TRMT10A: variants seen among roughly 807,000 people sequenced by gnomAD.
TRMT10A encodes tRNA methyltransferase 10A, also known as tRNA methyltransferase 10 homolog A.
In TRMT10A, 37 loss-of-function variants were observed where a neutral mutation model predicts 40.4. The ratio of observed to expected loss-of-function variants is 0.92; its 90% confidence interval spans 0.71 to 1.21. The LOEUF is 1.21. TRMT10A is among the 50% of genes most tolerant of loss of function. TRMT10A has a pLI of 0.00. For synonymous variants in TRMT10A, 103 were observed against 134.1 expected, an observed-to-expected ratio of 0.77 and a Z score of 1.60; for missense variants, 388 against 404.3, an observed-to-expected ratio of 0.96 and a Z score of 0.35.
At chr4:99,561,217 G>A (rs900284550) in intron 1 of TRMT10A, among the ~76,000 whole-genome samples, 4 of 152,064 alleles carry the variant, frequency 2.6e-5, no homozygotes, top group African/African-American at 4.8e-5. Context: ...CGCCTGCCTC[G>A]GCCTCCTGAA....
chr4:99,552,509 A>G (rs1017454732), intron 6 of TRMT10A, among the ~76,000 whole-genome samples: 1 of 152,142 alleles, frequency 6.6e-6, no homozygotes, highest in African/African-American at 2.4e-5. Flanking sequence ...ACTACACTCT[A>G]TAATATTGAT....
chr4:99,551,315 A>G (rs1380332293), intron 6 of TRMT10A, among the ~76,000 whole-genome samples: 1 of 152,172 alleles, frequency 6.6e-6, no homozygotes, highest in Non-Finnish European at 1.5e-5. Flanking sequence ...CCTAACTCAA[A>G]TATCTTTTCC....
rs1269537922 is a variant in TRMT10A at position 99,547,186 on chromosome 4, CA to C, written c.*1901del. ...GACAGGGTAGAAGACCACTTGACAACAAAACTGAGATTGGAGTCAAGCCACT... is the reference window on the plus strand; with the variant it reads ...GACAGGGTAGAAGACCACTTGACAACAAACTGAGATTGGAGTCAAGCCACT... On this transcript the variant is annotated 3_prime_UTR_variant, in exon 8 of 8. Transcript: ENST00000394876. The C allele has an allele frequency of 6.6e-6, 1 of 152,024 alleles. No individual in the cohort carries two copies. The highest frequency in any genetic ancestry group is 1.5e-5 in the Non-Finnish European group (1 of 67,996). The allele number at this position is 152,024 out of a possible 1,614,324, so 9.4% of individuals were successfully genotyped here.
At chr4:99,557,981 G>T in intron 3 of TRMT10A, 68 bp downstream of exon 3, 2 of 1,390,694 alleles carry the variant, frequency 1.4e-6, no homozygotes, top group Non-Finnish European at 9.6e-7. Flanking sequence ...AAGGGATATT[G>T]CATATTAAAA....
chr4:99,558,173 T>C lies in TRMT10A; in HGVS notation c.224A>G (p.Glu75Gly). Reference sequence around the variant, plus strand: ...GTTTGGTTCCATTTGACATTGTCGCTCTAATTTTTTCCTCTTGCGTTTTTC... The same window carrying C: ...GTTTGGTTCCATTTGACATTGTCGCCCTAATTTTTTCCTCTTGCGTTTTTC... Reference protein sequence around the residue: ...RKEKRKRKKLERQCQMEPNSD... With the variant: ...RKEKRKRKKLGRQCQMEPNSD... Residue 75 changes from glutamate to glycine, a missense_variant, in exon 3 of 8, where the codon GAG becomes GGG. Physicochemically the swap from Glu to Gly is moderately conservative, Grantham distance 98. Transcript: ENST00000394876. 1 of 1,598,852 alleles carries C rather than the reference T, an allele frequency of 6.3e-7. No homozygotes were observed. Among genetic ancestry groups the C allele is most frequent in the Non-Finnish European group, 8.5e-7 (1 of 1,176,196 alleles).
chr4:99,549,187 A>G lies in TRMT10A; in HGVS notation c.921T>C (p.Ser307=). The G allele has an allele frequency of 6.2e-7, 1 of 1,613,952 alleles. No individual in the cohort carries two copies. The highest frequency in any genetic ancestry group is 1.7e-5 in the Admixed American group (1 of 59,996). The change falls in exon 8 of 8, where the codon AGT becomes AGC. Residue 307 remains serine (S), a synonymous_variant. Coordinates refer to ENST00000394876, the MANE Select transcript of TRMT10A (RefSeq NM_001134665.3). ...MEEGGSDSDS[S]EEEYSRNELD... Reference sequence around the variant, plus strand: ...GTTCATTTCTGCTATATTCCTCCTCACTGGAATCACTGTCCGATCCACCTT... The same window carrying G: ...GTTCATTTCTGCTATATTCCTCCTCGCTGGAATCACTGTCCGATCCACCTT...
chr4:99,548,845 G>A lies in TRMT10A; in HGVS notation c.*243C>T. 2.8e-6 allele frequency: 1 copy of A among 362,576 alleles called. No individual in the cohort carries two copies. Among genetic ancestry groups the A allele is most frequent in the Non-Finnish European group, 4.9e-6 (1 of 205,344 alleles). 22.5% of individuals were successfully genotyped at this position (362,576 alleles called of 1,614,324 possible). A position where few individuals can be genotyped will look rare whatever the true frequency, so the allele number is the denominator to read the frequency against. ...AGTAAAATTATCTAGAAACTACTGA[G>A]GCTTTAAAAACAAAAACAAAAAAAA... On this transcript the variant is annotated 3_prime_UTR_variant, in exon 8 of 8. Coordinates refer to ENST00000394876, the MANE Select transcript of TRMT10A (RefSeq NM_001134665.3).
chr4:99,558,244 T>A, intron 2 of TRMT10A, 33 bp from the exon 3 acceptor site: 4 of 1,533,534 alleles, frequency 2.6e-6, no homozygotes. Flanking sequence ...CATTTTGTTA[T>A]TGTGTATTCA....
rs771093347 is a variant in TRMT10A, at chr4:99,547,218, C to T, written c.*1870G>A. 6 of 152,034 alleles carry T rather than the reference C, an allele frequency of 3.9e-5. No individual in the cohort carries two copies. The highest frequency in any genetic ancestry group is 5.9e-5 in the Non-Finnish European group (4 of 67,998). The allele number at this position is 152,034 out of a possible 1,614,324, so 9.4% of individuals were successfully genotyped here. ...GAGATTGGAGTCAAGCCACTATAGG[C>T]TAAGGAACAGCAGGGATTGCTGGCA... On this transcript the variant is annotated 3_prime_UTR_variant, in exon 8 of 8. Coordinates refer to ENST00000394876, the MANE Select transcript of TRMT10A (RefSeq NM_001134665.3).
intron 2 of TRMT10A, among the ~76,000 whole-genome samples, chr4:99,558,653 TA>T (rs1724261564): frequency 6.6e-6 from 1 of 152,150 alleles, no homozygotes; most frequent in Admixed American, 6.5e-5. Context: ...AACTACAGTT[TA>T]TTTTCTCTCC....
intron 4 of TRMT10A, 110 bp downstream of exon 4, chr4:99,557,235 A>T: frequency 9.1e-7 from 1 of 1,098,812 alleles, no homozygotes; most frequent in Non-Finnish European, 1.3e-6. Context: ...CATAGGCATT[A>T]AACAAGATTA....
At chr4:99,550,566 A>T (rs987730589) in intron 7 of TRMT10A, among the ~76,000 whole-genome samples, 10 of 152,212 alleles carry the variant, frequency 6.6e-5, no homozygotes, top group African/African-American at 1.7e-4. Flanking sequence ...GATTCACAAC[A>T]TTGTATGTAA....
rs574164676 is a variant in TRMT10A, at chr4:99,551,705, G to T, written c.646-715C>A. 2.6e-5 allele frequency among the ~76,000 whole-genome samples: 4 copies of T among 152,100 alleles called. No homozygotes were observed. In the East Asian group the frequency reaches 7.7e-4, roughly 29 times the overall value. On this transcript the variant is annotated intron_variant, in intron 6 of 7. Transcript: ENST00000394876. ...ATAATTACATATAAAACAGCCTCAGGCAGGTCCTTCAGGAGATATTCCAGA... is the reference window on the plus strand; with the variant it reads ...ATAATTACATATAAAACAGCCTCAGTCAGGTCCTTCAGGAGATATTCCAGA...
intron 1 of TRMT10A, 147 bp downstream of exon 1, chr4:99,563,766 G>A: frequency 2.1e-6 from 1 of 473,850 alleles, no homozygotes; most frequent in South Asian, 1.7e-5. Flanking sequence ...CCTTCAGCAA[G>A]AGCGCCGCAG....
At chr4:99,551,432 A>C (rs115102695) in intron 6 of TRMT10A, among the ~76,000 whole-genome samples, 3,691 of 152,258 alleles carry the variant, frequency 0.024, 83 homozygotes, top group Non-Finnish European at 0.037. Context: ...ATAAAATTAT[A>C]ATGGAGCTAA....
At chr4:99,554,015 A>C in intron 5 of TRMT10A, 81 bp from the exon 6 acceptor site, 2 of 1,406,010 alleles carry the variant, frequency 1.4e-6, no homozygotes. Flanking sequence ...TCTTTTCCCA[A>C]AACAAATCCA....
chr4:99,549,152 G>T lies in TRMT10A; in HGVS notation c.956C>A (p.Pro319Gln). 1 of 1,613,974 alleles carries T rather than the reference G, an allele frequency of 6.2e-7. No homozygotes were observed. Among genetic ancestry groups the T allele is most frequent in the Non-Finnish European group, 8.5e-7 (1 of 1,179,948 alleles). ...EEYSRNELDS[P>Q]HEEKQDKENH... ...TTCCTTATCCTGCTTTTCTTCATGT[G>T]GTGAATCTAGTTCATTTCTGCTATA... is the stretch of plus-strand genomic sequence containing the variant. Residue 319 changes from proline to glutamine, a missense_variant, in exon 8 of 8, where the codon CCA becomes CAA. Coordinates refer to ENST00000394876, the MANE Select transcript of TRMT10A (RefSeq NM_001134665.3).
chr4:99,549,263 T>A lies in TRMT10A; in HGVS notation c.845A>T (p.Asp282Val). The A allele has an allele frequency of 6.2e-7, 1 of 1,614,134 alleles. No homozygotes were observed. Among genetic ancestry groups the A allele is most frequent in the Non-Finnish European group, 8.5e-7 (1 of 1,179,990 alleles). ...ATGAGAAGCACTTTCACAGGCTTTG[T>A]CTGTGGGAACAGCTCCTTTCCGTTG... ...LPQRKGAVPT[D>V]KACESASHDN... The change falls in exon 8 of 8, where the codon GAC becomes GTC. Residue 282 changes from aspartate (D) to valine (V), a missense_variant. Transcript: ENST00000394876.
At chr4:99,560,221 T>C (rs375188601) in intron 1 of TRMT10A, among the ~76,000 whole-genome samples, 60 of 152,214 alleles carry the variant, frequency 3.9e-4, no homozygotes, top group African/African-American at 1.4e-3. Flanking sequence ...CTGAAATATT[T>C]CAGAGAGGTC....
Sources: allele counts gnomAD v4.1 joint callset (sites outside exome capture counted in the v4.1 genomes callset), GRCh38; gene constraint gnomAD v4.1.1; transcripts MANE v1.5; gene names NCBI Gene and HGNC (gene_info 2026-07-23, HGNC 2026-07-21).